Variants in BCL2L1 observed in about 807,000 individuals in gnomAD.
The protein encoded by BCL2L1 is BCL2 like 1.
Under a neutral mutation model 18.7 loss-of-function variants are expected in BCL2L1, and 1 was observed. The ratio of observed to expected loss-of-function variants is 0.05; its 90% CI spans 0.02 to 0.25. The LOEUF is 0.25. BCL2L1 is among the 10% of genes least tolerant of loss of function. The pLI is 1.00. For missense variants in BCL2L1, 207 were observed against 304.9 expected (o/e 0.68, Z 2.39); for synonymous variants, 103 against 122.7 (o/e 0.84, Z 1.06).
At chr20:31,670,251 G>A (rs939002314) in intron 2 of BCL2L1, among the ~76,000 whole-genome samples, 2 of 152,210 alleles carry the variant, frequency 1.3e-5, no homozygotes, top group Non-Finnish European at 2.9e-5. Flanking sequence ...TCTTACAGGA[G>A]GTTTGATTTT....
At chr20:31,685,939 T>C (rs184764728) in intron 2 of BCL2L1, among the ~76,000 whole-genome samples, 245 of 152,308 alleles carry the variant, frequency 1.6e-3, no homozygotes, top group African/African-American at 5.6e-3. Context: ...TAGGAGGCCT[T>C]TGGCATTATT....
intron 2 of BCL2L1, among the ~76,000 whole-genome samples, chr20:31,677,033 T>C (rs1011091569): frequency 6.6e-6 from 1 of 152,178 alleles, no homozygotes; most frequent in Non-Finnish European, 1.5e-5. Context: ...AAGTGCTATC[T>C]GGATAAAGGC....
intron 2 of BCL2L1, among the ~76,000 whole-genome samples, chr20:31,706,884 C>A (rs536540599): frequency 6.6e-6 from 1 of 152,288 alleles, no homozygotes; most frequent in South Asian, 2.1e-4. Context: ...CTTTCTTCAA[C>A]ATATGAGGCA....
chr20:31,670,426 C>T (rs1451932911), intron 2 of BCL2L1, among the ~76,000 whole-genome samples: 3 of 152,170 alleles, frequency 2.0e-5, no homozygotes, highest in African/African-American at 7.2e-5. Flanking sequence ...TGGGAGAGGC[C>T]TGGCTCCCTT....
intron 2 of BCL2L1, chr20:31,713,174 T>C: frequency 1.2e-6 from 1 of 819,638 alleles, no homozygotes; most frequent in Non-Finnish European, 1.5e-6. Flanking sequence ...TAATGCGTGA[T>C]GGAGCCAAGG....
intron 2 of BCL2L1, among the ~76,000 whole-genome samples, chr20:31,687,351 C>T (rs780490478): frequency 6.6e-6 from 1 of 151,792 alleles, no homozygotes; most frequent in Non-Finnish European, 1.5e-5. Context: ...AAGTGAAGCT[C>T]TGAACGGAGA....
At chr20:31,691,492 C>T (rs575885282) in intron 2 of BCL2L1, among the ~76,000 whole-genome samples, 3 of 148,476 alleles carry the variant, frequency 2.0e-5, no homozygotes, top group East Asian at 1.9e-4. Flanking sequence ...CCAGCCTGGG[C>T]GACAGAGCGA....
At chr20:31,716,094 A>C (rs2061531784) in intron 2 of BCL2L1, among the ~76,000 whole-genome samples, 1 of 152,168 alleles carries the variant, frequency 6.6e-6, no homozygotes, top group Non-Finnish European at 1.5e-5. Context: ...TCAGGATGCT[A>C]TATAAGCTTC....
intron 2 of BCL2L1, among the ~76,000 whole-genome samples, chr20:31,673,470 C>A (rs2060706743): frequency 6.7e-6 from 1 of 150,336 alleles, no homozygotes; most frequent in Admixed American, 6.7e-5. Context: ...ACAGGAGGAC[C>A]CTGTCTCTAC....
At chr20:31,686,154 G>A (rs1194653415) in intron 2 of BCL2L1, 1 of 152,188 alleles carries the variant, frequency 6.6e-6, no homozygotes, top group African/African-American at 2.4e-5. Context: ...TTTATTCAAT[G>A]TTTTGTATAT....
At chr20:31,698,482 C>T (rs2061221027) in intron 2 of BCL2L1, among the ~76,000 whole-genome samples, 1 of 152,068 alleles carries the variant, frequency 6.6e-6, no homozygotes, top group Non-Finnish European at 1.5e-5. Context: ...GTGATCCTCC[C>T]ACCTCAGACT....
intron 2 of BCL2L1, among the ~76,000 whole-genome samples, chr20:31,695,830 T>C (rs2061158409): frequency 2.6e-5 from 4 of 152,224 alleles, no homozygotes; most frequent in African/African-American, 9.6e-5. Context: ...CTCACTGCAT[T>C]CAGATCCAAT....
intron 2 of BCL2L1, among the ~76,000 whole-genome samples, chr20:31,670,119 A>T (rs2060644569): frequency 2.0e-5 from 3 of 152,134 alleles, no homozygotes; most frequent in Admixed American, 1.3e-4. Context: ...CAGGAGAAGG[A>T]ATGTGGGAGC....
At chr20:31,671,979 A>G (rs936859818) in intron 2 of BCL2L1, among the ~76,000 whole-genome samples, 2 of 147,952 alleles carry the variant, frequency 1.4e-5, no homozygotes, top group Admixed American at 6.8e-5. Context: ...ATAGTATAGT[A>G]TAGCTGAGGT....
chr20:31,720,068 A>C lies in BCL2L1; in HGVS notation c.564+1587T>G, dbSNP rs1172361587. On this transcript the variant is annotated intron_variant, in intron 2 of 2. Transcript: ENST00000307677. ...ATCCCCCTAGAGAGTTCATTTACAG[A>C]ATGGCTTTCAAGTCTAGTCAGCTAG... 3.1e-6 allele frequency: 3 copies of C among 983,456 alleles called. No individual in the cohort carries two copies. In the African/African-American group the frequency reaches 5.2e-5, roughly 17 times the overall value. The allele number at this position is 983,456 out of a possible 1,614,324, so 60.9% of individuals were successfully genotyped here.
At chr20:31,717,574 T>A in intron 2 of BCL2L1, among the ~76,000 whole-genome samples, 1 of 152,218 alleles carries the variant, frequency 6.6e-6, no homozygotes, top group Non-Finnish European at 1.5e-5. Context: ...TTCTACTTAA[T>A]TTTGGGACCC....
intron 2 of BCL2L1, among the ~76,000 whole-genome samples, chr20:31,685,190 C>T (rs1038748023): frequency 1.3e-5 from 2 of 152,126 alleles, no homozygotes; most frequent in African/African-American, 4.8e-5. Flanking sequence ...ATCACGAAGT[C>T]AGGAGATCAA....
intron 2 of BCL2L1, among the ~76,000 whole-genome samples, chr20:31,691,415 G>GA (rs2061072404): frequency 6.6e-6 from 1 of 150,956 alleles, no homozygotes; most frequent in African/African-American, 2.4e-5. Context: ...TTGAAAGGCT[G>GA]AGGCAGGAGA....
intron 2 of BCL2L1, among the ~76,000 whole-genome samples, chr20:31,691,415 G>C (rs1210240351): frequency 6.6e-6 from 1 of 150,956 alleles, no homozygotes; most frequent in African/African-American, 2.4e-5. Context: ...TTGAAAGGCT[G>C]AGGCAGGAGA....
Sources: allele counts gnomAD v4.1 joint callset (sites outside exome capture counted in the v4.1 genomes callset), GRCh38; gene constraint gnomAD v4.1.1; transcripts MANE v1.5; gene names NCBI Gene and HGNC (gene_info 2026-07-23, HGNC 2026-07-21).